ABCB1: variants seen among roughly 807,000 people sequenced by gnomAD.
The protein encoded by ABCB1 is ATP-dependent translocase ABCB1.
In ABCB1, 69 loss-of-function variants were observed where a neutral mutation model predicts 142.0. The observed-to-expected ratio is 0.49, with a 90% confidence interval of 0.40 to 0.59. The LOEUF (loss-of-function observed/expected upper bound fraction) is 0.59. Ranked by LOEUF, ABCB1 falls within the 20% of genes least tolerant of loss-of-function variation. The pLI, the probability that ABCB1 is intolerant of heterozygous loss-of-function variation, is 0.00. For synonymous variants in ABCB1, 532 were observed against 539.2 expected, an observed-to-expected ratio of 0.99 and a Z score of 0.18; for missense variants, 1,326 against 1,554.7, an observed-to-expected ratio of 0.85 and a Z score of 2.47.
chr7:87,675,653 CAA>C (rs200136132), intron 1 of ABCB1, among the ~76,000 whole-genome samples: 4,889 of 65,514 alleles, frequency 0.075, 89 homozygotes, highest in East Asian at 0.13. Flanking sequence ...TATTCACATG[CAA>C]AAAAAAAAAA....
chr7:87,515,317 G>T lies in ABCB1; in HGVS notation c.3196C>A (p.Leu1066Met). The T allele has an allele frequency of 6.2e-7, 1 of 1,614,218 alleles. No homozygotes were observed. Among genetic ancestry groups the T allele is most frequent in the Non-Finnish European group, 8.5e-7 (1 of 1,180,032 alleles). The change falls in exon 25 of 28, where the codon CTG becomes ATG. Residue 1066 changes from leucine to methionine, a missense_variant. Physicochemically the swap from Leu to Met is conservative, Grantham distance 15. Coordinates refer to ENST00000622132, the MANE Select transcript of ABCB1 (RefSeq NM_001348946.2). ...LSLEVKKGQT[L>M]ALVGSSGCGK... ...CAGCCACTGCTGCCCACCAGAGCCAGCGTCTGGCCCTTCTTCACCTCCAGG... is the reference window on the plus strand; with the variant it reads ...CAGCCACTGCTGCCCACCAGAGCCATCGTCTGGCCCTTCTTCACCTCCAGG...
intron 8 of ABCB1, among the ~76,000 whole-genome samples, chr7:87,555,410 T>G (rs1472886809): frequency 5.9e-5 from 9 of 152,226 alleles, no homozygotes; most frequent in Non-Finnish European, 1.3e-4. Context: ...TATAGCATTA[T>G]ATTAATTTCC....
chr7:87,663,579 T>C (rs1824930185), intron 1 of ABCB1, among the ~76,000 whole-genome samples: 1 of 152,178 alleles, frequency 6.6e-6, no homozygotes, highest in Non-Finnish European at 1.5e-5. Flanking sequence ...TCTTTAATCT[T>C]TTAAAATACT....
chr7:87,670,925 G>T (rs1339385059), intron 1 of ABCB1, among the ~76,000 whole-genome samples: 4 of 152,180 alleles, frequency 2.6e-5, no homozygotes, highest in Non-Finnish European at 5.9e-5. Flanking sequence ...GCTGTAGATT[G>T]TGATTTGGTA....
intron 25 of ABCB1, among the ~76,000 whole-genome samples, chr7:87,511,107 TC>T (rs1031510945): frequency 2.0e-5 from 3 of 152,174 alleles, no homozygotes. Context: ...CTGAATACAC[TC>T]TTGGGCCTCC....
intron 13 of ABCB1, 31 bp from the exon 14 acceptor site, chr7:87,549,549 T>A (rs1761015372): frequency 6.2e-7 from 1 of 1,614,040 alleles, no homozygotes; most frequent in Non-Finnish European, 8.5e-7. Context: ...TGATTTAGCA[T>A]AAGGACAAGC....
intron 4 of ABCB1, among the ~76,000 whole-genome samples, chr7:87,584,389 G>A (rs558328667): frequency 6.6e-6 from 1 of 152,286 alleles, no homozygotes; most frequent in East Asian, 1.9e-4. Context: ...ACATTTTCAA[G>A]TACGTTATCA....
At chr7:87,510,559 TGAA>T (rs1290266656) in intron 25 of ABCB1, among the ~76,000 whole-genome samples, 2 of 152,260 alleles carry the variant, frequency 1.3e-5, no homozygotes, top group Admixed American at 6.5e-5. Context: ...TCATCCCTTC[TGAA>T]GAAGGCACCA....
At chr7:87,568,092 G>A (rs1584887976) in intron 5 of ABCB1, among the ~76,000 whole-genome samples, 1 of 141,940 alleles carries the variant, frequency 7.0e-6, no homozygotes. Flanking sequence ...GACAGAGCTG[G>A]ACTCCATCTC....
chr7:87,635,657 C>T (rs181090974), intron 1 of ABCB1, among the ~76,000 whole-genome samples: 4 of 152,162 alleles, frequency 2.6e-5, no homozygotes, highest in East Asian at 1.9e-4. Context: ...GAAAAGTATA[C>T]GTAGCATAAC....
intron 1 of ABCB1, among the ~76,000 whole-genome samples, chr7:87,600,416 A>C: frequency 6.6e-6 from 1 of 152,060 alleles, no homozygotes; most frequent in East Asian, 1.9e-4. Flanking sequence ...CGCGTTCTGG[A>C]CTTTGCCCGC....
chr7:87,685,553 C>T (rs1287971970), intron 1 of ABCB1, among the ~76,000 whole-genome samples: 1 of 152,040 alleles, frequency 6.6e-6, no homozygotes, highest in African/African-American at 2.4e-5. Flanking sequence ...ATGTCAGATA[C>T]ATTATGGCTA....
chr7:87,644,383 A>G (rs1050235561), intron 1 of ABCB1, among the ~76,000 whole-genome samples: 2 of 152,140 alleles, frequency 1.3e-5, no homozygotes, highest in South Asian at 4.1e-4. Flanking sequence ...TAATTACCTC[A>G]CCCCTGTGTT....
At chr7:87,628,030 G>A (rs1820776811) in intron 1 of ABCB1, among the ~76,000 whole-genome samples, 1 of 152,226 alleles carries the variant, frequency 6.6e-6, no homozygotes, top group African/African-American at 2.4e-5. Context: ...CCAAGGTCGG[G>A]TGTGGGAGCC....
chr7:87,626,246 A>T (rs35881718), intron 1 of ABCB1, among the ~76,000 whole-genome samples: 1 of 12,542 alleles, frequency 8.0e-5, no homozygotes, highest in Non-Finnish European at 1.6e-4. Flanking sequence ...TGTCATATAT[A>T]TGTCATATAT....
intron 1 of ABCB1, among the ~76,000 whole-genome samples, chr7:87,623,878 G>A (rs1820314895): frequency 6.6e-6 from 1 of 151,870 alleles, no homozygotes; most frequent in Non-Finnish European, 1.5e-5. Context: ...ATGTCCCTCT[G>A]TTCAATATTC....
intron 1 of ABCB1, among the ~76,000 whole-genome samples, chr7:87,625,973 TATATATATATATATGTAC>T (rs901785907): frequency 2.2e-5 from 3 of 135,094 alleles, no homozygotes; most frequent in African/African-American, 8.5e-5. Context: ...GAGAGAGGAA[TATATATATATATATGTAC>T]ATATATATGT....
intron 21 of ABCB1, among the ~76,000 whole-genome samples, chr7:87,530,149 A>G (rs1182083100): frequency 6.6e-6 from 1 of 152,230 alleles, no homozygotes; most frequent in African/African-American, 2.4e-5. Flanking sequence ...AGCTGGGCCT[A>G]CTGACAACCA....
At chr7:87,657,107 A>G (rs1301825933) in intron 1 of ABCB1, among the ~76,000 whole-genome samples, 4 of 152,174 alleles carry the variant, frequency 2.6e-5, no homozygotes, top group African/African-American at 9.7e-5. Context: ...GGCATTATAC[A>G]TAAAACAAAC....
Sources: allele counts gnomAD v4.1 joint callset (sites outside exome capture counted in the v4.1 genomes callset), GRCh38; gene constraint gnomAD v4.1.1; transcripts MANE v1.5; gene names NCBI Gene and HGNC (gene_info 2026-07-23, HGNC 2026-07-21).